The following ARFGEF1 variants were observed in gnomAD, a reference collection of about 807,000 sequenced individuals.
ARFGEF1 encodes the protein ARF guanine nucleotide exchange factor 1, also known as brefeldin A-inhibited guanine nucleotide-exchange protein 1.
A neutral mutation model predicts 231.0 loss-of-function variants in ARFGEF1; 42 were observed. The ratio of observed to expected loss-of-function variants is 0.18; its 90% confidence interval spans 0.14 to 0.24. The LOEUF (loss-of-function observed/expected upper bound fraction) is 0.24. Ranked by LOEUF, ARFGEF1 falls within the 10% of genes least tolerant of loss-of-function variation. The probability of loss-of-function intolerance (pLI) is 1.00; values close to 1 mark genes in which losing one functional copy is unlikely to be tolerated. For missense variants in ARFGEF1, 1,345 were observed against 2,192.0 expected (o/e 0.61, Z 7.72); for synonymous variants, 710 against 732.3 (o/e 0.97, Z 0.49).
chr8:67,311,036 G>A (rs1312581354), intron 1 of ARFGEF1, among the ~76,000 whole-genome samples: 3 of 147,576 alleles, frequency 2.0e-5, no homozygotes, highest in Non-Finnish European at 3.0e-5. Flanking sequence ...GGTGAGGGGC[G>A]CCTCTGCCCG....
intron 38 of ARFGEF1, 119 bp from the exon 39 acceptor site, chr8:67,199,217 A>T (rs1838224107): frequency 8.4e-7 from 1 of 1,195,240 alleles, no homozygotes; most frequent in Non-Finnish European, 1.2e-6. Context: ...GGTCCACAGC[A>T]GGCAGTGACT....
intron 5 of ARFGEF1, among the ~76,000 whole-genome samples, chr8:67,187,125 G>A (rs1432497383): frequency 6.6e-6 from 1 of 152,130 alleles, no homozygotes; most frequent in African/African-American, 2.4e-5. Flanking sequence ...ACTCAGTATT[G>A]TCAAGATGTC....
rs367635828 is a variant in ARFGEF1 at position 67,208,059 on chromosome 8, T to A, written c.4820-3240A>T. Reference sequence around the variant, plus strand: ...TGAGGCTGAGAGTGAGAAAAGCCACTCGCTATTCTTTCCTCTTGGCCTTTC... The same window carrying A: ...TGAGGCTGAGAGTGAGAAAAGCCACACGCTATTCTTTCCTCTTGGCCTTTC... On this transcript the variant is annotated intron_variant, in intron 34 of 38. Transcript: ENST00000262215. Among the ~76,000 whole-genome samples, 12 of 152,274 alleles carry A rather than the reference T, an allele frequency of 7.9e-5. No homozygotes were observed. The South Asian group carries it at 1.5e-3, about 18-fold the overall frequency.
chr8:67,266,758 C>T (rs1369316270), intron 13 of ARFGEF1, 118 bp downstream of exon 13: 27 of 659,244 alleles, frequency 4.1e-5, no homozygotes, highest in Non-Finnish European at 6.1e-5. Flanking sequence ...GAGAATGTTT[C>T]CTCATCAGTT....
chr8:67,279,460 A>G (rs1805447618), intron 7 of ARFGEF1, among the ~76,000 whole-genome samples: 1 of 152,194 alleles, frequency 6.6e-6, no homozygotes, highest in Non-Finnish European at 1.5e-5. Context: ...CCCATTATCC[A>G]ATAAACATTC....
At chr8:67,264,924 T>C (rs916991175) in intron 14 of ARFGEF1, among the ~76,000 whole-genome samples, 2 of 152,188 alleles carry the variant, frequency 1.3e-5, no homozygotes, top group Non-Finnish European at 2.9e-5. Flanking sequence ...CAAGGACCAA[T>C]GCCTTCATGG....
rs376110516 is a variant in ARFGEF1 at position 67,279,569 on chromosome 8, A to C, written c.1028-2112T>G. Among the ~76,000 whole-genome samples, 10 of 152,312 alleles carry C rather than the reference A, an allele frequency of 6.6e-5. No homozygotes were observed. The East Asian group carries it at 1.5e-3, about 23-fold the overall frequency. ...CTCTTTTTATTAAATCTCTCAAATGAATACTCAATATTATTTGATATTACT... is the reference window on the plus strand; with the variant it reads ...CTCTTTTTATTAAATCTCTCAAATGCATACTCAATATTATTTGATATTACT... On this transcript the variant is annotated intron_variant, in intron 7 of 38. Transcript: ENST00000262215.
intron 1 of ARFGEF1, among the ~76,000 whole-genome samples, chr8:67,306,253 G>C (rs1272581428): frequency 6.6e-6 from 1 of 152,206 alleles, no homozygotes; most frequent in Non-Finnish European, 1.5e-5. Context: ...TGACTAAATG[G>C]GAAGGTAGCT....
At chr8:67,286,109 T>C (rs1327315293) in intron 7 of ARFGEF1, among the ~76,000 whole-genome samples, 1 of 152,224 alleles carries the variant, frequency 6.6e-6, no homozygotes, top group Admixed American at 6.5e-5. Context: ...GTGCTTATTG[T>C]ATGAGAATGC....
chr8:67,281,278 A>G (rs1805524215), intron 7 of ARFGEF1, among the ~76,000 whole-genome samples: 1 of 152,140 alleles, frequency 6.6e-6, no homozygotes, highest in Non-Finnish European at 1.5e-5. Flanking sequence ...AAAGAACAGA[A>G]AGGATGAAGA....
intron 5 of ARFGEF1, among the ~76,000 whole-genome samples, chr8:67,184,010 G>A (rs777069127): frequency 5.3e-5 from 8 of 151,860 alleles, no homozygotes; most frequent in South Asian, 2.1e-4. Flanking sequence ...CTGCCACCAC[G>A]CCTGGCTAAT....
intron 29 of ARFGEF1, among the ~76,000 whole-genome samples, chr8:67,222,182 CATATAT>C (rs60905220): frequency 4.0e-4 from 47 of 117,736 alleles, no homozygotes; most frequent in South Asian, 3.6e-3. Flanking sequence ...TATATATACA[CATATAT>C]ATATATATAT....
At chr8:67,299,482 G>A (rs1437282305) in intron 3 of ARFGEF1, 127 bp from the exon 4 acceptor site, 2 of 874,058 alleles carry the variant, frequency 2.3e-6, no homozygotes, top group African/African-American at 1.8e-5. Flanking sequence ...AAACATAAAG[G>A]TATTATCAAA....
intron 7 of ARFGEF1, among the ~76,000 whole-genome samples, chr8:67,284,949 C>G (rs991139420): frequency 6.6e-6 from 1 of 152,028 alleles, no homozygotes; most frequent in African/African-American, 2.4e-5. Flanking sequence ...AGGAAAAGCT[C>G]AAAGACTAAC....
chr8:67,288,401 C>T (rs1048567469), intron 6 of ARFGEF1, among the ~76,000 whole-genome samples: 1 of 149,806 alleles, frequency 6.7e-6, no homozygotes, highest in African/African-American at 2.6e-5. Context: ...CTTACTTATA[C>T]TTAGTACACA....
At chr8:67,238,644 C>T (rs1293804975) in intron 21 of ARFGEF1, 91 bp downstream of exon 21, 1 of 1,487,348 alleles carries the variant, frequency 6.7e-7, no homozygotes, top group Non-Finnish European at 9.2e-7. Context: ...CTAATTTTCT[C>T]CCCTAACATT....
intron 5 of ARFGEF1, chr8:67,177,717 G>T: frequency 6.2e-7 from 1 of 1,610,906 alleles, no homozygotes; most frequent in African/African-American, 1.3e-5. Context: ...AAGTACGAGA[G>T]CAAAGAATGG....
chr8:67,250,244 C>T (rs1221130705), intron 19 of ARFGEF1, among the ~76,000 whole-genome samples: 1 of 152,128 alleles, frequency 6.6e-6, no homozygotes, highest in Non-Finnish European at 1.5e-5. Context: ...ACTCCGGTCT[C>T]TATAAACGGG....
intron 5 of ARFGEF1, among the ~76,000 whole-genome samples, chr8:67,293,744 T>G (rs1350183027): frequency 6.6e-6 from 1 of 152,130 alleles, no homozygotes; most frequent in Non-Finnish European, 1.5e-5. Context: ...TGTAGTCCCT[T>G]TCCACAATGT....
Sources: allele counts gnomAD v4.1 joint callset (sites outside exome capture counted in the v4.1 genomes callset), GRCh38; gene constraint gnomAD v4.1.1; transcripts MANE v1.5; gene names NCBI Gene and HGNC (gene_info 2026-07-23, HGNC 2026-07-21).